Variants in PLAC8 observed in about 807,000 individuals in gnomAD.
The protein encoded by PLAC8 is placenta-specific gene 8 protein.
PLAC8 carries 6 observed loss-of-function variants against 12.6 expected under a neutral mutation model. The ratio of observed to expected loss-of-function variants is 0.48; its 90% confidence interval spans 0.26 to 0.94. The LOEUF (loss-of-function observed/expected upper bound fraction) is 0.94. Among genes scored for constraint, PLAC8 ranks in the 40% least tolerant of loss-of-function variants. PLAC8 has a pLI of 0.14. For synonymous variants in PLAC8, 54 were observed against 52.6 expected, an observed-to-expected ratio of 1.03 and a Z score of -0.11; for missense variants, 122 against 152.7, an observed-to-expected ratio of 0.80 and a Z score of 1.06.
chr4:83,104,778 C>G, intron 3 of PLAC8, 118 bp downstream of exon 3: 2 of 1,098,780 alleles, frequency 1.8e-6, no homozygotes, highest in Non-Finnish European at 2.8e-6. Flanking sequence ...ATTGCACATG[C>G]TAGGGAACTC....
In PLAC8 at chr4:83,090,586, A is replaced by G. The variant is rs1014288858; in HGVS notation, c.*395T>C. 1.6e-4 allele frequency: 23 copies of G among 148,036 alleles called. No individual in the cohort carries two copies. Among genetic ancestry groups the G allele is most frequent in the African/African-American group, 5.8e-4 (23 of 39,498 alleles). The allele number at this position is 148,036 out of a possible 1,614,324, so 9.2% of individuals were successfully genotyped here. A position where few individuals can be genotyped will look rare whatever the true frequency, so the allele number is the denominator to read the frequency against. ...CCAACTCTATTAAAAAAAAAAAAAA[A>G]GAAAAAGGAAATCAAAGTATAAGAA... On this transcript the variant is annotated 3_prime_UTR_variant, in exon 5 of 5. Coordinates refer to ENST00000311507, the MANE Select transcript of PLAC8 (RefSeq NM_016619.3).
At chr4:83,104,585 A>G (rs1467955673) in intron 3 of PLAC8, among the ~76,000 whole-genome samples, 1 of 152,200 alleles carries the variant, frequency 6.6e-6, no homozygotes, top group Non-Finnish European at 1.5e-5. Context: ...CTTTACAGAG[A>G]TGATGTGAGG....
intron 3 of PLAC8, among the ~76,000 whole-genome samples, chr4:83,097,119 A>T (rs6846520): frequency 5.9e-5 from 9 of 152,172 alleles, no homozygotes; most frequent in African/African-American, 2.2e-4. Context: ...ATGCTGTCCC[A>T]GCTCTATTCC....
intron 3 of PLAC8, among the ~76,000 whole-genome samples, chr4:83,102,887 C>A (rs1409291478): frequency 6.6e-6 from 1 of 150,692 alleles, no homozygotes; most frequent in African/African-American, 2.4e-5. Flanking sequence ...GAGATTGAGA[C>A]AATACTGGCT....
intron 1 of PLAC8, among the ~76,000 whole-genome samples, chr4:83,111,185 C>A (rs1732415573): frequency 6.6e-6 from 1 of 152,176 alleles, no homozygotes; most frequent in East Asian, 1.9e-4. Flanking sequence ...CCCAGGCTGA[C>A]CTTGAGCTCC....
At chr4:83,100,558 C>A (rs1434181483) in intron 3 of PLAC8, among the ~76,000 whole-genome samples, 1 of 151,202 alleles carries the variant, frequency 6.6e-6, no homozygotes, top group Non-Finnish European at 1.5e-5. Flanking sequence ...TATAGCAATG[C>A]GAGAACGGAC....
chr4:83,099,602 G>A (rs1369438948), intron 3 of PLAC8, among the ~76,000 whole-genome samples: 2 of 152,124 alleles, frequency 1.3e-5, no homozygotes, highest in Non-Finnish European at 1.5e-5. Context: ...CAATGTTGGA[G>A]GTGGGGCCTG....
chr4:83,101,403 C>CA (rs1251716086), intron 3 of PLAC8, among the ~76,000 whole-genome samples: 1 of 152,000 alleles, frequency 6.6e-6, no homozygotes, highest in Admixed American at 6.6e-5. Flanking sequence ...AAAACAACAA[C>CA]AAAAAAGAAA....
chr4:83,097,423 A>T (rs1731967031), intron 3 of PLAC8, among the ~76,000 whole-genome samples: 1 of 152,202 alleles, frequency 6.6e-6, no homozygotes, highest in African/African-American at 2.4e-5. Context: ...ATTATTGGTA[A>T]AATAAGTTGT....
rs567551403 is a variant in PLAC8 at position 83,100,235 on chromosome 4, C to T, written c.243+4661G>A. 1.2e-4 allele frequency among the ~76,000 whole-genome samples: 18 copies of T among 148,566 alleles called. 1 individual carries two copies. In the South Asian group the frequency reaches 2.6e-3, roughly 21 times the overall value. On this transcript the variant is annotated intron_variant, in intron 3 of 4. Coordinates refer to ENST00000311507, the MANE Select transcript of PLAC8 (RefSeq NM_016619.3). ...GGTGGAGCTTGCAGTGAGCCAAGAT[C>T]GTGCCACTGCACTCCAGCCTGGGTG...
intron 4 of PLAC8, 113 bp downstream of exon 4, chr4:83,094,565 G>T: frequency 1.6e-6 from 1 of 640,834 alleles, no homozygotes; most frequent in East Asian, 3.1e-5. Flanking sequence ...CACTTCAGGA[G>T]ACTTAAGAAA....
intron 3 of PLAC8, among the ~76,000 whole-genome samples, chr4:83,102,397 G>A (rs1039326033): frequency 1.3e-5 from 2 of 152,050 alleles, no homozygotes; most frequent in African/African-American, 2.4e-5. Flanking sequence ...AAATTAACTG[G>A]GTGTGATGCT....
At chr4:83,105,953 A>G (rs922992357) in intron 2 of PLAC8, among the ~76,000 whole-genome samples, 1 of 150,684 alleles carries the variant, frequency 6.6e-6, no homozygotes, top group African/African-American at 2.4e-5. Flanking sequence ...TCCCTAGGTA[A>G]TTTTCCCTTG....
At chr4:83,097,983 C>T (rs973918965) in intron 3 of PLAC8, among the ~76,000 whole-genome samples, 1 of 151,764 alleles carries the variant, frequency 6.6e-6, no homozygotes, top group African/African-American at 2.4e-5. Flanking sequence ...CATAGCCTCC[C>T]GAGTAGCCAG....
chr4:83,114,036 AT>A (rs200104133), intron 1 of PLAC8, among the ~76,000 whole-genome samples: 2,564 of 151,032 alleles, frequency 0.017, 84 homozygotes, highest in African/African-American at 0.057. Flanking sequence ...TATTATTGAG[AT>A]TTTTCTCTTC....
chr4:83,104,798 A>T, intron 3 of PLAC8, 98 bp downstream of exon 3: 1 of 1,321,816 alleles, frequency 7.6e-7, no homozygotes, highest in African/African-American at 1.4e-5. Flanking sequence ...CTTATCAATC[A>T]ATTTCAGAAG....
At position 83,098,440 on chromosome 4, in the gene PLAC8, T is replaced by C. The variant is rs193133594; in HGVS notation, c.244-3649A>G. On this transcript the variant is annotated intron_variant, in intron 3 of 4. Transcript: ENST00000311507. Reference sequence around the variant, plus strand: ...GAAAATTATAAAGCGTTCTAAAAAGTTTATGAAAATCTTACCTTATGGTCA... The same window carrying C: ...GAAAATTATAAAGCGTTCTAAAAAGCTTATGAAAATCTTACCTTATGGTCA... 5.3e-4 allele frequency among the ~76,000 whole-genome samples: 80 copies of C among 152,308 alleles called. 1 individual carries two copies. In the East Asian group the frequency reaches 0.014, roughly 26 times the overall value.
At chr4:83,094,814 TA>T (rs1262271552) in intron 3 of PLAC8, 23 bp from the exon 4 acceptor site, 2 of 1,382,286 alleles carry the variant, frequency 1.4e-6, no homozygotes, top group Non-Finnish European at 2.0e-6. Flanking sequence ...CAAAAAGAAA[TA>T]AAAATATAAA....
chr4:83,103,203 T>G (rs879672166), intron 3 of PLAC8, among the ~76,000 whole-genome samples: 4 of 151,876 alleles, frequency 2.6e-5, no homozygotes, highest in Non-Finnish European at 5.9e-5. Flanking sequence ...AAGACCATCC[T>G]GGCCAACATG....
Sources: gnomAD v4.1 joint callset for allele counts (sites outside exome capture counted in the v4.1 genomes callset) on GRCh38, gnomAD v4.1.1 for gene constraint, MANE v1.5 for transcripts, NCBI Gene and HGNC (gene_info 2026-07-23, HGNC 2026-07-21) for gene names.